ATRNL1: variants seen among roughly 807,000 people sequenced by gnomAD.
ATRNL1 encodes the protein attractin like 1, also known as attractin-like protein 1.
Under a neutral mutation model 182.7 loss-of-function variants are expected in ATRNL1, and 95 were observed. That is an observed-to-expected ratio of 0.52 (90% confidence interval 0.44 to 0.62). ATRNL1 has a LOEUF of 0.62. Among genes scored for constraint, ATRNL1 ranks in the 20% least tolerant of loss-of-function variants. The probability of loss-of-function intolerance (pLI) is 0.00; values close to 1 mark genes in which losing one functional copy is unlikely to be tolerated. For synonymous variants in ATRNL1, 576 were observed against 568.3 expected (o/e 1.01, Z -0.19); for missense variants, 1,471 against 1,679.5 (o/e 0.88, Z 2.17).
chr10:115,591,924 G>T (rs1855932929), intron 26 of ATRNL1, among the ~76,000 whole-genome samples: 1 of 152,152 alleles, frequency 6.6e-6, no homozygotes, highest in Admixed American at 6.5e-5. Flanking sequence ...GTCAACCTAG[G>T]TGCCCATTGA....
At position 115,165,621 on chromosome 10, in the gene ATRNL1, T is replaced by C. The variant is rs782651417; in HGVS notation, c.1068T>C (p.Tyr356=). 9 of 1,538,684 alleles carry C rather than the reference T, an allele frequency of 5.8e-6. No homozygotes were observed. Among genetic ancestry groups the C allele is most frequent in the South Asian group, 2.6e-5 (2 of 77,412 alleles). Residue 356 remains tyrosine, a synonymous_variant, in exon 7 of 29, where the codon TAT becomes TAC. Coordinates refer to ENST00000355044, the MANE Select transcript of ATRNL1 (RefSeq NM_207303.4). Reference sequence around the variant, plus strand: ...CATCAAGGGGACCTCTCCAGAGATATGGACACTCTCTTGCTTTATATCAGG... The same window carrying C: ...CATCAAGGGGACCTCTCCAGAGATACGGACACTCTCTTGCTTTATATCAGG... The part of the protein sequence containing the change: ...GTPSRGPLQR[Y]GHSLALYQEN...
At chr10:115,899,051 G>A (rs1367351141) in intron 28 of ATRNL1, among the ~76,000 whole-genome samples, 4 of 151,244 alleles carry the variant, frequency 2.6e-5, no homozygotes, top group Admixed American at 2.6e-4. Flanking sequence ...TTGGTGTGCT[G>A]CACCCATTAA....
chr10:115,093,570 C>T lies in ATRNL1; in HGVS notation c.-181C>T, dbSNP rs532691886. On this transcript the variant is annotated 5_prime_UTR_variant, in exon 1 of 29. Coordinates refer to ENST00000355044, the MANE Select transcript of ATRNL1 (RefSeq NM_207303.4). The surrounding 1 kb of genome is among the most constrained non-coding windows in gnomAD (Gnocchi z 6.1). ...ATGCCCGAGTGCGACTGGAGGCAGCCGAGCGGAGGCGACGGCGGTTGGGAT... is the reference window on the plus strand; with the variant it reads ...ATGCCCGAGTGCGACTGGAGGCAGCTGAGCGGAGGCGACGGCGGTTGGGAT... The T allele has an allele frequency of 2.3e-5, 17 of 733,344 alleles. No homozygotes were observed. The East Asian group carries it at 4.5e-4, about 19-fold the overall frequency. The allele number at this position is 733,344 out of a possible 1,614,324, so 45.4% of individuals were successfully genotyped here. A position where few individuals can be genotyped will look rare whatever the true frequency, so the allele number is the denominator to read the frequency against.
chr10:115,573,789 G>T (rs1854545059), intron 26 of ATRNL1, among the ~76,000 whole-genome samples: 1 of 152,148 alleles, frequency 6.6e-6, no homozygotes, highest in Non-Finnish European at 1.5e-5. Flanking sequence ...GTAGCCCTTT[G>T]CTTGATAGAT....
At chr10:115,635,798 C>T (rs981374980) in intron 26 of ATRNL1, among the ~76,000 whole-genome samples, 1 of 152,050 alleles carries the variant, frequency 6.6e-6, no homozygotes, top group Non-Finnish European at 1.5e-5. Flanking sequence ...CAATCAGACA[C>T]TGTACAGGAA....
At chr10:115,186,610 A>C (rs1470370265) in intron 8 of ATRNL1, among the ~76,000 whole-genome samples, 1 of 152,126 alleles carries the variant, frequency 6.6e-6, no homozygotes, top group Non-Finnish European at 1.5e-5. Flanking sequence ...CAGAAAGAAA[A>C]CTGCATGTTC....
chr10:115,897,932 A>AT (rs113910145), intron 28 of ATRNL1, among the ~76,000 whole-genome samples: 8,418 of 145,956 alleles, frequency 0.058, 714 homozygotes, highest in African/African-American at 0.19. Context: ...GGTCATCCTT[A>AT]TTTTTTTTTT....
At chr10:115,772,158 A>T (rs1949009354) in intron 27 of ATRNL1, among the ~76,000 whole-genome samples, 1 of 152,254 alleles carries the variant, frequency 6.6e-6, no homozygotes. Context: ...ATTGAATTCC[A>T]AGGTGAAAAA....
At chr10:115,477,355 C>T (rs1441554091) in intron 24 of ATRNL1, among the ~76,000 whole-genome samples, 1 of 151,554 alleles carries the variant, frequency 6.6e-6, no homozygotes, top group Non-Finnish European at 1.5e-5. Context: ...AAGCAGAAAG[C>T]TTTCATTCCA....
intron 10 of ATRNL1, among the ~76,000 whole-genome samples, chr10:115,262,428 C>A (rs1224571153): frequency 6.6e-6 from 1 of 151,648 alleles, no homozygotes; most frequent in Non-Finnish European, 1.5e-5. Flanking sequence ...AAATAAGTTG[C>A]AAAAAGATTG....
At chr10:115,263,477 A>G (rs1490159043) in intron 10 of ATRNL1, among the ~76,000 whole-genome samples, 1 of 151,814 alleles carries the variant, frequency 6.6e-6, no homozygotes, top group Non-Finnish European at 1.5e-5. Context: ...GAATTACTAT[A>G]TGATCTGTTA....
At chr10:115,882,789 T>C (rs569805018) in intron 28 of ATRNL1, among the ~76,000 whole-genome samples, 2 of 152,354 alleles carry the variant, frequency 1.3e-5, no homozygotes, top group Non-Finnish European at 2.9e-5. Flanking sequence ...CCACTTTGTA[T>C]GGTGAATAGT....
At chr10:115,419,538 G>A (rs1057034526) in intron 20 of ATRNL1, among the ~76,000 whole-genome samples, 3 of 152,196 alleles carry the variant, frequency 2.0e-5, no homozygotes, top group Admixed American at 6.5e-5. Context: ...CTTACTTTAC[G>A]TATAAAACAA....
At chr10:115,114,030 A>G (rs1240844401) in intron 1 of ATRNL1, among the ~76,000 whole-genome samples, 1 of 152,132 alleles carries the variant, frequency 6.6e-6, no homozygotes, top group Admixed American at 6.5e-5. Flanking sequence ...TTATTAAAAC[A>G]GCGTGATACC....
At chr10:115,890,104 G>T (rs1208347403) in intron 28 of ATRNL1, among the ~76,000 whole-genome samples, 7 of 152,094 alleles carry the variant, frequency 4.6e-5, no homozygotes, top group African/African-American at 1.4e-4. Context: ...TTAGTTTTAT[G>T]TACAGTACAA....
intron 26 of ATRNL1, among the ~76,000 whole-genome samples, chr10:115,686,506 A>G (rs559746769): frequency 6.6e-6 from 1 of 152,150 alleles, no homozygotes; most frequent in South Asian, 2.1e-4. Context: ...ACACTAACAA[A>G]ATCCCATTCC....
At chr10:115,449,238 G>A (rs1017737901) in intron 21 of ATRNL1, among the ~76,000 whole-genome samples, 6 of 152,172 alleles carry the variant, frequency 3.9e-5, no homozygotes, top group Non-Finnish European at 8.8e-5. Context: ...CTGCAGAAAA[G>A]GAGAGAAGAG....
chr10:115,293,152 C>T (rs1217888724), intron 15 of ATRNL1, among the ~76,000 whole-genome samples: 2 of 152,000 alleles, frequency 1.3e-5, no homozygotes, highest in African/African-American at 4.8e-5. Flanking sequence ...TCTGCTTTGT[C>T]TGATATAAGT....
At chr10:115,184,809 T>A (rs1847880364) in intron 8 of ATRNL1, among the ~76,000 whole-genome samples, 1 of 151,880 alleles carries the variant, frequency 6.6e-6, no homozygotes. Context: ...AATAGGATAA[T>A]CATTCTGAAA....
Sources: gnomAD v4.1 joint callset for allele counts (sites outside exome capture counted in the v4.1 genomes callset) on GRCh38, gnomAD v4.1.1 for gene constraint, Gnocchi (gnomAD v3.1) non-coding constraint, MANE v1.5 for transcripts, NCBI Gene and HGNC (gene_info 2026-07-23, HGNC 2026-07-21) for gene names.